HAUS6: variants seen among roughly 807,000 people sequenced by gnomAD.
The protein encoded by HAUS6 is HAUS augmin like complex subunit 6, also known as HAUS augmin-like complex subunit 6.
Under a neutral mutation model 106.8 loss-of-function variants are expected in HAUS6, and 80 were observed. That is an observed-to-expected ratio of 0.75 (90% CI 0.63 to 0.90). HAUS6 has a LOEUF of 0.90. Ranked by LOEUF, HAUS6 falls within the 40% of genes least tolerant of loss-of-function variation. The pLI is 0.00. For synonymous variants in HAUS6, 356 were observed against 379.1 expected (o/e 0.94, Z 0.71); for missense variants, 1,155 against 1,118.1 (o/e 1.03, Z -0.47).
At position 19,102,565 on chromosome 9, in the gene HAUS6, G is replaced by T; in HGVS notation, c.87C>A (p.Thr29=). ...QALGFEPGPA[T]IACGKIVSHT... ...GCGACACGATCTTTCCGCAGGCAAT[G>T]GTTGCCGGGCCTGGCTCGAAGCCGA... The change falls in exon 1 of 17, where the codon ACC becomes ACA. Residue 29 remains threonine (T), a synonymous_variant. Coordinates refer to ENST00000380502, the MANE Select transcript of HAUS6 (RefSeq NM_017645.5). 1 of 1,613,926 alleles carries T rather than the reference G, an allele frequency of 6.2e-7. No homozygotes were observed. Among genetic ancestry groups the T allele is most frequent in the Admixed American group, 1.7e-5 (1 of 60,004 alleles).
At chr9:19,078,906 G>C (rs1421390754) in intron 9 of HAUS6, among the ~76,000 whole-genome samples, 1 of 147,930 alleles carries the variant, frequency 6.8e-6, no homozygotes, top group Non-Finnish European at 1.5e-5. Context: ...TATAATCCCA[G>C]AACTTTGGGA....
intron 12 of HAUS6, among the ~76,000 whole-genome samples, chr9:19,068,296 C>G (rs942357128): frequency 6.6e-6 from 1 of 152,020 alleles, no homozygotes; most frequent in African/African-American, 2.4e-5. Context: ...TTTAGGCACT[C>G]AAAAAATTAA....
At chr9:19,086,602 A>G (rs1837300818) in intron 7 of HAUS6, 132 bp downstream of exon 7, 2 of 496,302 alleles carry the variant, frequency 4.0e-6, no homozygotes, top group Non-Finnish European at 3.6e-6. Flanking sequence ...CCTGGGCAAC[A>G]GAGCGAGACT....
At chr9:19,068,571 A>C (rs1428900138) in intron 12 of HAUS6, among the ~76,000 whole-genome samples, 2 of 152,210 alleles carry the variant, frequency 1.3e-5, no homozygotes, top group Non-Finnish European at 2.9e-5. Context: ...TTATTAACTT[A>C]CTAAGATGGC....
At position 19,063,173 on chromosome 9, in the gene HAUS6, G is replaced by T. The variant is rs779140647; in HGVS notation, c.1464C>A (p.Pro488=). The change falls in exon 14 of 17, where the codon CCC becomes CCA. Residue 488 remains proline (P), a synonymous_variant. Transcript: ENST00000380502. ...TAGAAATTGCTTCATTTTTTTCTTT[G>T]GGAGTTCCCATCTTTGTGTCCTGAA... ...VLEKDTKMGT[P]KEKNEAISKK... The T allele has an allele frequency of 6.9e-6, 11 of 1,601,286 alleles. No individual in the cohort carries two copies. The highest frequency in any genetic ancestry group is 9.4e-6 in the Non-Finnish European group (11 of 1,170,986).
intron 1 of HAUS6, among the ~76,000 whole-genome samples, chr9:19,097,124 T>A (rs114447439): frequency 1.5e-3 from 222 of 152,268 alleles, no homozygotes; most frequent in African/African-American, 5.2e-3. Context: ...AGAGTACATG[T>A]TAGACCTAAA....
intron 5 of HAUS6, 90 bp from the exon 6 acceptor site, chr9:19,087,246 T>C: frequency 1.3e-6 from 1 of 783,014 alleles, no homozygotes; most frequent in Non-Finnish European, 2.3e-6. Context: ...CATATCCTTG[T>C]TTAAGGCCTC....
In HAUS6 at chr9:19,085,465, T is replaced by C. The variant is rs554781614; in HGVS notation, c.699+1269A>G. 3.3e-5 allele frequency among the ~76,000 whole-genome samples: 5 copies of C among 152,170 alleles called. No homozygotes were observed. The East Asian group carries it at 9.6e-4, about 29-fold the overall frequency. ...TACGAGATACCTAGCACATATCAGA[T>C]GATCAATACATTCACTGAATAAAAA... is the stretch of plus-strand genomic sequence containing the variant. On this transcript the variant is annotated intron_variant, in intron 7 of 16. Transcript: ENST00000380502.
At chr9:19,072,190 C>CA (rs71333079) in intron 11 of HAUS6, among the ~76,000 whole-genome samples, 60,017 of 138,718 alleles carry the variant, frequency 0.43, 14,092 homozygotes, top group African/African-American at 0.67. Context: ...AACTCCCTCT[C>CA]AAAAAAAAAA....
At chr9:19,069,945 G>C (rs901324525) in intron 12 of HAUS6, among the ~76,000 whole-genome samples, 25 of 152,096 alleles carry the variant, frequency 1.6e-4, no homozygotes, top group African/African-American at 5.8e-4. Context: ...TTTCCTTTTA[G>C]TACAGACAGG....
intron 12 of HAUS6, 89 bp from the exon 13 acceptor site, chr9:19,063,669 G>T (rs146620362): frequency 1.1e-6 from 1 of 885,720 alleles, no homozygotes. Context: ...TGTCTGCCCC[G>T]TATCTGTCCG....
intron 6 of HAUS6, 87 bp downstream of exon 6, chr9:19,087,004 A>G (rs1337181350): frequency 2.8e-6 from 2 of 723,242 alleles, no homozygotes; most frequent in Admixed American, 4.4e-5. Flanking sequence ...ATTTTAATTA[A>G]TGTTTGTGGG....
intron 2 of HAUS6, among the ~76,000 whole-genome samples, chr9:19,095,975 T>C (rs1473109856): frequency 6.6e-6 from 1 of 152,006 alleles, no homozygotes; most frequent in Admixed American, 6.6e-5. Context: ...ACACTGCCTA[T>C]AGGAAAAGTA....
chr9:19,074,103 C>T (rs1369392674), intron 11 of HAUS6, among the ~76,000 whole-genome samples: 1 of 151,998 alleles, frequency 6.6e-6, no homozygotes, highest in Non-Finnish European at 1.5e-5. Flanking sequence ...AAAAATTAGC[C>T]AGGCATGGCA....
In HAUS6 at chr9:19,058,603, T is replaced by C. The variant is rs1379905446; in HGVS notation, c.2164A>G (p.Ile722Val). 5 of 1,605,214 alleles carry C rather than the reference T, an allele frequency of 3.1e-6. No homozygotes were observed. The highest frequency in any genetic ancestry group is 4.5e-5 in the East Asian group (2 of 44,766). ...ETFSPAVGNR[I>V]DVMGGSEEEF... ...TCTTCACTGCCACCCATCACATCTA[T>C]CCTATTGCCGACAGCAGGGGAGAAT... The change falls in exon 16 of 17, where the codon ATA becomes GTA. Residue 722 changes from isoleucine to valine, a missense_variant. Transcript: ENST00000380502.
At chr9:19,095,642 G>A (rs937775073) in intron 2 of HAUS6, among the ~76,000 whole-genome samples, 12 of 151,830 alleles carry the variant, frequency 7.9e-5, no homozygotes, top group Non-Finnish European at 1.5e-4. Flanking sequence ...GCAAAATATT[G>A]AAAATAGATT....
At chr9:19,056,482 T>G (rs1836473357) in intron 16 of HAUS6, 78 bp from the exon 17 acceptor site, 11 of 792,816 alleles carry the variant, frequency 1.4e-5, no homozygotes, top group Non-Finnish European at 2.2e-5. Flanking sequence ...ATAGCAAATT[T>G]TAGTCAATAC....
chr9:19,075,603 A>T (rs1836980121), intron 11 of HAUS6, among the ~76,000 whole-genome samples: 1 of 152,172 alleles, frequency 6.6e-6, no homozygotes. Context: ...CAGGACTCAT[A>T]TTATATGACT....
At chr9:19,088,094 T>C (rs1384715240) in intron 5 of HAUS6, among the ~76,000 whole-genome samples, 2 of 152,172 alleles carry the variant, frequency 1.3e-5, no homozygotes, top group African/African-American at 2.4e-5. Context: ...TAATGAAATA[T>C]CCACTAACAG....
Sources: allele counts gnomAD v4.1 joint callset (sites outside exome capture counted in the v4.1 genomes callset), GRCh38; gene constraint gnomAD v4.1.1; transcripts MANE v1.5; gene names NCBI Gene and HGNC (gene_info 2026-07-23, HGNC 2026-07-21).